ACTR3C: variants seen among roughly 807,000 people sequenced by gnomAD.
The protein encoded by ACTR3C is actin-related protein 3C.
ACTR3C carries 18 observed loss-of-function variants against 26.3 expected under a neutral mutation model. That is an observed-to-expected ratio of 0.68 (90% CI 0.47 to 1.01). ACTR3C has a LOEUF of 1.01. Among genes scored for constraint, ACTR3C ranks in the 50% least tolerant of loss-of-function variants. ACTR3C has a pLI of 0.00. For synonymous variants in ACTR3C, 55 were observed against 94.5 expected, an observed-to-expected ratio of 0.58 and a Z score of 2.42; for missense variants, 184 against 250.7, an observed-to-expected ratio of 0.73 and a Z score of 1.80.
the ACTR3C span, among the ~76,000 whole-genome samples, chr7:150,082,367 C>G: frequency 6.6e-6 from 1 of 152,136 alleles, no homozygotes; most frequent in African/African-American, 2.4e-5. Context: ...CCTTATTGAT[C>G]TCAAGATCAT....
At chr7:150,042,420 G>A in the ACTR3C span, among the ~76,000 whole-genome samples, 5 of 149,292 alleles carry the variant, frequency 3.3e-5, no homozygotes, top group South Asian at 2.1e-4. Flanking sequence ...CCCGCGTCGC[G>A]AGGGGTGCCT....
chr7:150,300,566 A>G, intron 1 of ACTR3C, among the ~76,000 whole-genome samples: 1 of 151,542 alleles, frequency 6.6e-6, no homozygotes, highest in East Asian at 1.9e-4. Flanking sequence ...TTCTTCAAAC[A>G]ACAAGCAAGC....
the ACTR3C span, among the ~76,000 whole-genome samples, chr7:150,212,626 A>T: frequency 6.6e-6 from 1 of 151,668 alleles, no homozygotes; most frequent in Non-Finnish European, 1.5e-5. Flanking sequence ...CCAATTAGAC[A>T]ACTAAGCTTT....
chr7:150,038,302 G>C, the ACTR3C span, among the ~76,000 whole-genome samples: 4 of 144,774 alleles, frequency 2.8e-5, no homozygotes, highest in African/African-American at 1.1e-4. Flanking sequence ...ACGGGCCTCA[G>C]CCAGGGCCCC....
chr7:149,883,718 G>A, the ACTR3C span, among the ~76,000 whole-genome samples: 14 of 152,300 alleles, frequency 9.2e-5, no homozygotes, highest in South Asian at 2.7e-3. Flanking sequence ...AGGGAGCCAC[G>A]ATAATTCTCC....
chr7:150,105,497 C>T, the ACTR3C span, among the ~76,000 whole-genome samples: 3 of 151,940 alleles, frequency 2.0e-5, no homozygotes, highest in Non-Finnish European at 4.4e-5. Context: ...AATAGCACCT[C>T]AATGGCTTTC....
At chr7:150,176,516 G>C in the ACTR3C span, among the ~76,000 whole-genome samples, 1 of 150,932 alleles carries the variant, frequency 6.6e-6, no homozygotes, top group East Asian at 1.9e-4. Flanking sequence ...GGACATGACA[G>C]ATCATGTTTT....
chr7:150,113,489 G>C, the ACTR3C span, among the ~76,000 whole-genome samples: 1 of 152,248 alleles, frequency 6.6e-6, no homozygotes, highest in East Asian at 1.9e-4. Context: ...GTGATTCAAC[G>C]TAAGTAAATT....
At chr7:150,143,607 T>C in the ACTR3C span, among the ~76,000 whole-genome samples, 1 of 152,214 alleles carries the variant, frequency 6.6e-6, no homozygotes, top group Non-Finnish European at 1.5e-5. Flanking sequence ...CCGGTGAGTA[T>C]ATCCGTCATG....
chr7:149,992,756 A>G, the ACTR3C span, among the ~76,000 whole-genome samples: 1 of 152,198 alleles, frequency 6.6e-6, no homozygotes, highest in Admixed American at 6.5e-5. Context: ...ATGTATGTGT[A>G]TATGAAACGG....
chr7:150,306,620 G>T (rs1212836098), intron 1 of ACTR3C, among the ~76,000 whole-genome samples: 1 of 152,234 alleles, frequency 6.6e-6, no homozygotes, highest in African/African-American at 2.4e-5. Flanking sequence ...GCTAAAGTGG[G>T]AGGATCACTT....
the ACTR3C span, among the ~76,000 whole-genome samples, chr7:150,065,920 G>A: frequency 6.6e-6 from 1 of 151,216 alleles, no homozygotes; most frequent in Non-Finnish European, 1.5e-5. Context: ...GGAAACACAA[G>A]TGCAATTGAA....
intron 6 of ACTR3C, among the ~76,000 whole-genome samples, chr7:150,262,521 G>T (rs1286023084): frequency 6.6e-6 from 1 of 152,198 alleles, no homozygotes; most frequent in Non-Finnish European, 1.5e-5. Context: ...CATTCTTGCT[G>T]CAAGATACCC....
At chr7:150,299,964 GT>G (rs34491838) in intron 1 of ACTR3C, among the ~76,000 whole-genome samples, 4 of 150,574 alleles carry the variant, frequency 2.7e-5, no homozygotes, top group East Asian at 3.9e-4. Context: ...TAGTATTAGG[GT>G]TTTTTTTTAC....
chr7:149,926,636 G>A, the ACTR3C span, among the ~76,000 whole-genome samples: 2 of 152,114 alleles, frequency 1.3e-5, no homozygotes, highest in Non-Finnish European at 2.9e-5. Context: ...CACTGGGTGA[G>A]GACTCGGGAA....
chr7:150,068,359 C>T, the ACTR3C span, among the ~76,000 whole-genome samples: 1 of 152,206 alleles, frequency 6.6e-6, no homozygotes, highest in Non-Finnish European at 1.5e-5. Context: ...CAGCAACACT[C>T]GGTGCTTCAG....
chr7:150,223,220 G>A, the ACTR3C span, among the ~76,000 whole-genome samples: 1 of 151,830 alleles, frequency 6.6e-6, no homozygotes, highest in Non-Finnish European at 1.5e-5. Context: ...ATGTTTATGA[G>A]GTCCATCATG....
At chr7:149,954,449 G>A in the ACTR3C span, among the ~76,000 whole-genome samples, 7 of 152,060 alleles carry the variant, frequency 4.6e-5, no homozygotes. Flanking sequence ...CACATATTTG[G>A]GGGGACATAT....
chr7:149,989,221 T>C, the ACTR3C span, among the ~76,000 whole-genome samples: 2 of 152,262 alleles, frequency 1.3e-5, no homozygotes, highest in African/African-American at 4.8e-5. Context: ...TGTTTTGATA[T>C]ACATATACAC....
Sources: allele counts gnomAD v4.1 joint callset (sites outside exome capture counted in the v4.1 genomes callset), GRCh38; gene constraint gnomAD v4.1.1; transcripts MANE v1.5; gene names NCBI Gene and HGNC (gene_info 2026-07-23, HGNC 2026-07-21).